Variants in NFKB1 observed in about 807,000 individuals in gnomAD.
NFKB1 encodes nuclear factor kappa B subunit 1.
Under a neutral mutation model 105.1 loss-of-function variants are expected in NFKB1, and 9 were observed. The observed-to-expected ratio is 0.09, with a 90% confidence interval of 0.05 to 0.15. The LOEUF (loss-of-function observed/expected upper bound fraction) is 0.15. Among genes scored for constraint, NFKB1 ranks in the 10% least tolerant of loss-of-function variants. The pLI, the probability that NFKB1 is intolerant of heterozygous loss-of-function variation, is 1.00. For missense variants in NFKB1, 830 were observed against 1,203.7 expected, an observed-to-expected ratio of 0.69 and a Z score of 4.59; for synonymous variants, 440 against 442.2, an observed-to-expected ratio of 1.00 and a Z score of 0.06.
rs1246690791 is a variant in NFKB1 at position 102,594,981 on chromosome 4, G to A, written c.1300G>A (p.Gly434Arg). Residue 434 changes from glycine (G) to arginine (R), a missense_variant and splice_region_variant, in exon 13 of 24, where the codon GGA becomes AGA. Coordinates refer to ENST00000226574, the MANE Select transcript of NFKB1 (RefSeq NM_003998.4). ...TTKSNAGMKH[G>R]TMDTESKKDP... ...TAAATCTAATGCTGGGATGAAGCATGGTAAGTAATGCTTTGTTCTTAATAC... is the reference window on the plus strand; with the variant it reads ...TAAATCTAATGCTGGGATGAAGCATAGTAAGTAATGCTTTGTTCTTAATAC... The A allele has an allele frequency of 6.3e-7, 1 of 1,591,210 alleles. No individual in the cohort carries two copies. Among genetic ancestry groups the A allele is most frequent in the East Asian group, 2.2e-5 (1 of 44,782 alleles).
At chr4:102,525,372 C>T (rs933835432) in intron 1 of NFKB1, 140 bp from the exon 2 acceptor site, 7 of 680,318 alleles carry the variant, frequency 1.0e-5, no homozygotes, top group African/African-American at 9.2e-5. Flanking sequence ...ATCATGTCCT[C>T]CTCCTATGGT....
intron 19 of NFKB1, among the ~76,000 whole-genome samples, chr4:102,608,865 A>G (rs532002009): frequency 2.0e-5 from 3 of 152,304 alleles, no homozygotes; most frequent in East Asian, 3.9e-4. Flanking sequence ...ACAAGAAGCT[A>G]TAACCAGCCA....
At chr4:102,536,438 A>C (rs1741641685) in intron 4 of NFKB1, among the ~76,000 whole-genome samples, 1 of 152,122 alleles carries the variant, frequency 6.6e-6, no homozygotes, top group Non-Finnish European at 1.5e-5. Flanking sequence ...GGCCTTACTT[A>C]TCTGGTAAAT....
chr4:102,530,012 C>T, intron 3 of NFKB1, 98 bp downstream of exon 3: 2 of 787,926 alleles, frequency 2.5e-6, no homozygotes, highest in Non-Finnish European at 4.1e-6. Flanking sequence ...AGTTGTGTAC[C>T]TAGAAAGGAA....
Position 102,525,536 on chromosome 4 carries a change from A to G in NFKB1, c.18A>G (p.Pro6=). The change falls in exon 2 of 24, where the codon CCA becomes CCG. Residue 6 remains proline (P), a synonymous_variant. Transcript: ENST00000226574. MAEDD[P]YLGRPEQMFH... is the part of the protein sequence containing the mutation. Reference sequence around the variant, plus strand: ...GCTTCAGAATGGCAGAAGATGATCCATATTTGGGAAGGCCTGAACAAGTAA... The same window carrying G: ...GCTTCAGAATGGCAGAAGATGATCCGTATTTGGGAAGGCCTGAACAAGTAA... 1 of 1,613,478 alleles carries G rather than the reference A, an allele frequency of 6.2e-7. No individual in the cohort carries two copies. Among genetic ancestry groups the G allele is most frequent in the Non-Finnish European group, 8.5e-7 (1 of 1,179,620 alleles).
At chr4:102,530,701 T>G (rs554289547) in intron 3 of NFKB1, among the ~76,000 whole-genome samples, 21 of 152,306 alleles carry the variant, frequency 1.4e-4, no homozygotes, top group African/African-American at 5.1e-4. Context: ...CTTGTCTTCA[T>G]TGGGGGACTT....
rs370612125 is a variant in NFKB1, at chr4:102,596,276, G to T, written c.1439G>T (p.Gly480Val). 3.1e-6 allele frequency: 5 copies of T among 1,613,738 alleles called. No individual in the cohort carries two copies. The highest frequency in any genetic ancestry group is 2.7e-5 in the African/African-American group (2 of 75,042). Reference sequence around the variant, plus strand: ...CCCAGCGAGGCCACCGTTGGGAATGGTGAGGTCACTCTAACGTATGCAACA... The same window carrying T: ...CCCAGCGAGGCCACCGTTGGGAATGTTGAGGTCACTCTAACGTATGCAACA... ...QEPSEATVGN[G>V]EVTLTYATGT... Residue 480 changes from glycine (G) to valine (V), a missense_variant, in exon 14 of 24, where the codon GGT becomes GTT. Physicochemically the swap from Gly to Val is moderately radical, Grantham distance 109 (BLOSUM62 -3). Coordinates refer to ENST00000226574, the MANE Select transcript of NFKB1 (RefSeq NM_003998.4).
Position 102,617,165 on chromosome 4 carries a change from A to G in NFKB1, c.*571A>G, listed in dbSNP as rs756045844. ...GGTTACAATCATTGCTGAAAATGGT[A>G]TTTTCCCCCTTTTCTGCATTTTGCT... On this transcript the variant is annotated 3_prime_UTR_variant, in exon 24 of 24. Transcript: ENST00000226574. 8.0e-5 allele frequency: 12 copies of G among 149,704 alleles called. No homozygotes were observed. Among genetic ancestry groups the G allele is most frequent in the Non-Finnish European group, 1.8e-4 (12 of 67,486 alleles). The allele number at this position is 149,704 out of a possible 1,614,324, so 9.3% of individuals were successfully genotyped here.
At chr4:102,562,743 C>G (rs1194449759) in intron 5 of NFKB1, among the ~76,000 whole-genome samples, 2 of 152,204 alleles carry the variant, frequency 1.3e-5, no homozygotes, top group African/African-American at 4.8e-5. Flanking sequence ...TTGAGCCGGG[C>G]AGCCTGGCTT....
At chr4:102,503,673 G>A (rs1560623495) in intron 1 of NFKB1, among the ~76,000 whole-genome samples, 1 of 152,060 alleles carries the variant, frequency 6.6e-6, no homozygotes, top group East Asian at 1.9e-4. Context: ...TGTAAGCATT[G>A]CTTTGATCTT....
At chr4:102,575,492 T>C (rs1242494578) in intron 6 of NFKB1, among the ~76,000 whole-genome samples, 1 of 152,204 alleles carries the variant, frequency 6.6e-6, no homozygotes, top group Non-Finnish European at 1.5e-5. Context: ...GGCCCCCTGC[T>C]TACCTCTCTG....
Position 102,596,269 on chromosome 4 carries a change from G to A in NFKB1, c.1432G>A (p.Gly478Arg). ...TCAGGAGCCCAGCGAGGCCACCGTT[G>A]GGAATGGTGAGGTCACTCTAACGTA... ...QDQEPSEATV[G>R]NGEVTLTYAT... The change falls in exon 14 of 24, where the codon GGG becomes AGG. Residue 478 changes from glycine to arginine, a missense_variant. This residue lies in a region of NFKB1 where 163 missense variants were observed against 164.3 expected (regional missense o/e 0.99). Coordinates refer to ENST00000226574, the MANE Select transcript of NFKB1 (RefSeq NM_003998.4). 1 of 1,613,758 alleles carries A rather than the reference G, an allele frequency of 6.2e-7. No individual in the cohort carries two copies. The highest frequency in any genetic ancestry group is 8.5e-7 in the Non-Finnish European group (1 of 1,179,734).
intron 1 of NFKB1, among the ~76,000 whole-genome samples, chr4:102,504,117 G>A (rs1329152549): frequency 6.6e-6 from 1 of 152,136 alleles, no homozygotes; most frequent in Non-Finnish European, 1.5e-5. Context: ...TTTGAACTTG[G>A]GAGAAGTAAG....
At chr4:102,565,607 C>A (rs998936442) in intron 5 of NFKB1, among the ~76,000 whole-genome samples, 8 of 152,236 alleles carry the variant, frequency 5.3e-5, no homozygotes, top group Non-Finnish European at 8.8e-5. Context: ...TTAGGGTCTT[C>A]CTCAAGTTTA....
At chr4:102,577,368 C>T (rs1724923867) in intron 7 of NFKB1, among the ~76,000 whole-genome samples, 1 of 152,148 alleles carries the variant, frequency 6.6e-6, no homozygotes, top group South Asian at 2.1e-4. Context: ...ACCAAAAACA[C>T]CCCACCGTTT....
chr4:102,593,618 G>T (rs148363030), intron 12 of NFKB1, 50 bp downstream of exon 12: 1 of 1,548,798 alleles, frequency 6.5e-7, no homozygotes, highest in East Asian at 2.3e-5. Context: ...GGAGAGGGTA[G>T]AATTTTCTTT....
chr4:102,552,426 A>C (rs770773774), intron 5 of NFKB1, among the ~76,000 whole-genome samples: 3 of 152,206 alleles, frequency 2.0e-5, no homozygotes, highest in Admixed American at 6.5e-5. Context: ...TGAGGATGGA[A>C]TGTATTGCCT....
chr4:102,586,185 G>A (rs947716053), intron 11 of NFKB1, among the ~76,000 whole-genome samples: 1 of 152,240 alleles, frequency 6.6e-6, no homozygotes, highest in East Asian at 1.9e-4. Flanking sequence ...GGAGATGGTG[G>A]ACTTAAGAGA....
intron 19 of NFKB1, 149 bp from the exon 20 acceptor site, chr4:102,610,426 T>G (rs193006718): frequency 7.7e-5 from 56 of 723,120 alleles, no homozygotes; most frequent in Non-Finnish European, 8.9e-5. Context: ...CTCTGGATAT[T>G]CCAGTAGAAA....
Sources: gnomAD v4.1 joint callset for allele counts (sites outside exome capture counted in the v4.1 genomes callset) on GRCh38, gnomAD v4.1.1 for gene constraint, gnomAD v4.1.1 regional missense constraint, MANE v1.5 for transcripts, NCBI Gene and HGNC (gene_info 2026-07-23, HGNC 2026-07-21) for gene names.